SLC15A1: variants seen among roughly 807,000 people sequenced by gnomAD.
The protein encoded by SLC15A1 is solute carrier family 15 member 1, also known as Caco-2 oligopeptide transporter.
In SLC15A1, 83 loss-of-function variants were observed where a neutral mutation model predicts 92.9. That is an observed-to-expected ratio of 0.89 (90% CI 0.75 to 1.07). The LOEUF is 1.07. SLC15A1 is among the 50% of genes least tolerant of loss of function. The pLI is 0.00. For missense variants in SLC15A1, 857 were observed against 880.1 expected (o/e 0.97, Z 0.33); for synonymous variants, 322 against 318.2 (o/e 1.01, Z -0.13).
chr13:98,741,029 G>C (rs1033776859), intron 1 of SLC15A1, among the ~76,000 whole-genome samples: 1 of 152,054 alleles, frequency 6.6e-6, no homozygotes, highest in Non-Finnish European at 1.5e-5. Context: ...TCTTGGATTT[G>C]AATGTTTTGC....
chr13:98,730,142 G>C (rs2088335634), intron 1 of SLC15A1, among the ~76,000 whole-genome samples: 1 of 151,016 alleles, frequency 6.6e-6, no homozygotes, highest in South Asian at 2.1e-4. Flanking sequence ...GATGCAGTGA[G>C]CTGAAATCGC....
intron 1 of SLC15A1, among the ~76,000 whole-genome samples, chr13:98,727,673 T>G (rs1262714723): frequency 6.6e-6 from 1 of 152,148 alleles, no homozygotes; most frequent in African/African-American, 2.4e-5. Context: ...CCCCGGAATT[T>G]TGGCAAGAGC....
intron 1 of SLC15A1, among the ~76,000 whole-genome samples, chr13:98,741,320 C>T (rs1458253089): frequency 4.6e-5 from 7 of 152,234 alleles, no homozygotes; most frequent in Non-Finnish European, 1.0e-4. Context: ...TAGAAATAGC[C>T]TCCTTTTCAG....
chr13:98,687,518 C>T (rs2139559478), intron 21 of SLC15A1, 63 bp downstream of exon 21: 2 of 1,553,432 alleles, frequency 1.3e-6, no homozygotes, highest in Non-Finnish European at 1.7e-6. Context: ...AAATTAAGTC[C>T]CATCAGCATT....
In SLC15A1 at chr13:98,688,305, A is replaced by G. The variant is rs1249752525; in HGVS notation, c.1626T>C (p.Asn542=). 1 of 1,613,968 alleles carries G rather than the reference A, an allele frequency of 6.2e-7. No individual in the cohort carries two copies. The highest frequency in any genetic ancestry group is 8.5e-7 in the Non-Finnish European group (1 of 1,179,992). ...CAAATTCAAGGTAGAAAGTATTGAA[A>G]TTAGGTTGACATTGTGGCGGAATCT... The part of the protein sequence containing the change: ...STEIPPQCQP[N]FNTFYLEFGS... Residue 542 remains asparagine (N), a synonymous_variant, in exon 20 of 23, where the codon AAT becomes AAC. Coordinates refer to ENST00000376503, the MANE Select transcript of SLC15A1 (RefSeq NM_005073.4).
chr13:98,692,321 T>C (rs2087987241), intron 18 of SLC15A1, among the ~76,000 whole-genome samples: 1 of 151,928 alleles, frequency 6.6e-6, no homozygotes, highest in Non-Finnish European at 1.5e-5. Flanking sequence ...GCCTGGCTAA[T>C]TTTTAAATTC....
Position 98,696,673 on chromosome 13 carries a change from G to A in SLC15A1, c.1466+5807C>T, listed in dbSNP as rs151100837. On this transcript the variant is annotated intron_variant, in intron 18 of 22. Transcript: ENST00000376503. ...GTGTGTTTCCTTCCAGATCAGCCATGGCAGCTGTGTATGAGCACGTGTGGG... is the reference window on the plus strand; with the variant it reads ...GTGTGTTTCCTTCCAGATCAGCCATAGCAGCTGTGTATGAGCACGTGTGGG... Among the ~76,000 whole-genome samples, 562 of 152,258 alleles carry A rather than the reference G, an allele frequency of 3.7e-3. 3 individuals carry two copies. Among genetic ancestry groups the A allele is most frequent in the African/African-American group, 0.012 (484 of 41,548 alleles).
chr13:98,736,226 A>G (rs1173427259), intron 1 of SLC15A1, among the ~76,000 whole-genome samples: 1 of 152,246 alleles, frequency 6.6e-6, no homozygotes, highest in Non-Finnish European at 1.5e-5. Context: ...AACCTGACAA[A>G]AACAAGAAAG....
intron 11 of SLC15A1, among the ~76,000 whole-genome samples, chr13:98,710,145 A>C (rs548989948): frequency 5.3e-5 from 8 of 152,330 alleles, no homozygotes; most frequent in African/African-American, 1.9e-4. Flanking sequence ...CCCCTCCTGA[A>C]GCTGCACAAA....
Position 98,688,480 on chromosome 13 carries a change from GAA to G in SLC15A1, c.1562_1563del (p.Phe521SerfsTer21). On this transcript the variant is annotated frameshift_variant, in exon 19 of 23. Transcript: ENST00000376503. LOFTEE classifies it high-confidence loss of function. The stretch of plus-strand genomic sequence containing the variant: ...AGTCTCGGTACTTACATGCCAGAAG[GAA>G]AAAACTGGTATGTGCTGGCATTGTA... ...SSYNASTYQF[F>X]PSGIKGFTIS... 6.2e-7 allele frequency: 1 copy of G among 1,613,724 alleles called. No homozygotes were observed. The highest frequency in any genetic ancestry group is 8.5e-7 in the Non-Finnish European group (1 of 1,179,742).
chr13:98,734,308 C>G (rs114952465), intron 1 of SLC15A1, among the ~76,000 whole-genome samples: 2,160 of 152,272 alleles, frequency 0.014, 47 homozygotes, highest in African/African-American at 0.049. Flanking sequence ...ATATAGCTCC[C>G]CTTTCCAAGA....
At chr13:98,744,011 G>A (rs1172260815) in intron 1 of SLC15A1, among the ~76,000 whole-genome samples, 1 of 151,976 alleles carries the variant, frequency 6.6e-6, no homozygotes, top group East Asian at 1.9e-4. Context: ...TGACTCTAAA[G>A]ATACATAAAT....
chr13:98,746,822 C>G (rs2088496728), intron 1 of SLC15A1, among the ~76,000 whole-genome samples: 1 of 152,190 alleles, frequency 6.6e-6, no homozygotes, highest in African/African-American at 2.4e-5. Flanking sequence ...CTTTCCGCAG[C>G]CCGGTGAGGA....
chr13:98,731,999 T>C (rs1433436975), intron 1 of SLC15A1, among the ~76,000 whole-genome samples: 1 of 152,226 alleles, frequency 6.6e-6, no homozygotes, highest in Non-Finnish European at 1.5e-5. Flanking sequence ...TTTGACAGAA[T>C]CCAGAGCTAT....
chr13:98,732,957 A>G (rs1016232088), intron 1 of SLC15A1, among the ~76,000 whole-genome samples: 1 of 152,208 alleles, frequency 6.6e-6, no homozygotes, highest in African/African-American at 2.4e-5. Context: ...TGATTAAGTT[A>G]GGGGCCTTGA....
At chr13:98,726,944 T>G (rs1038995177) in intron 1 of SLC15A1, 85 bp from the exon 2 acceptor site, 1 of 1,392,698 alleles carries the variant, frequency 7.2e-7, no homozygotes. Flanking sequence ...TCTGACTTTT[T>G]AGGGTGGTCA....
At chr13:98,730,495 G>C (rs1393912975) in intron 1 of SLC15A1, among the ~76,000 whole-genome samples, 1 of 152,182 alleles carries the variant, frequency 6.6e-6, no homozygotes, top group Non-Finnish European at 1.5e-5. Context: ...TACACCAAGA[G>C]CGAGGGCCAT....
chr13:98,742,677 G>A (rs1054101543), intron 1 of SLC15A1, among the ~76,000 whole-genome samples: 10 of 152,150 alleles, frequency 6.6e-5, no homozygotes, highest in Admixed American at 2.0e-4. Flanking sequence ...GGTGTTCCCC[G>A]TCTTGTAAGA....
At chr13:98,736,813 G>C (rs1213262111) in intron 1 of SLC15A1, among the ~76,000 whole-genome samples, 1 of 152,196 alleles carries the variant, frequency 6.6e-6, no homozygotes, top group African/African-American at 2.4e-5. Flanking sequence ...ACACCAGTTA[G>C]AATGGCGATC....
Sources: allele counts gnomAD v4.1 joint callset (sites outside exome capture counted in the v4.1 genomes callset), GRCh38; gene constraint gnomAD v4.1.1; transcripts MANE v1.5; gene names NCBI Gene and HGNC (gene_info 2026-07-23, HGNC 2026-07-21).